The following APBB2 variants were observed in gnomAD, a reference collection of about 807,000 sequenced individuals.
The protein encoded by APBB2 is Fe65-like 1.
A neutral mutation model predicts 82.5 loss-of-function variants in APBB2; 38 were observed. That is an observed-to-expected ratio of 0.46 (90% CI 0.36 to 0.60). The LOEUF is 0.60. Among genes scored for constraint, APBB2 ranks in the 20% least tolerant of loss-of-function variants. The probability of loss-of-function intolerance (pLI) is 0.00; values close to 1 mark genes in which losing one functional copy is unlikely to be tolerated. For synonymous variants in APBB2, 341 were observed against 368.2 expected, an observed-to-expected ratio of 0.93 and a Z score of 0.85; for missense variants, 772 against 972.3, an observed-to-expected ratio of 0.79 and a Z score of 2.74.
intron 1 of APBB2, among the ~76,000 whole-genome samples, chr4:41,194,512 G>A: frequency 6.6e-6 from 1 of 152,154 alleles, no homozygotes; most frequent in Non-Finnish European, 1.5e-5. Context: ...GCAAAACCCT[G>A]TCTCTACCAA....
intron 6 of APBB2, among the ~76,000 whole-genome samples, chr4:41,004,608 G>A (rs62412095): frequency 0.046 from 6,976 of 151,634 alleles, 343 homozygotes; most frequent in African/African-American, 0.13. Context: ...TGGGCAAGGC[G>A]GGTGGATCAT....
intron 6 of APBB2, among the ~76,000 whole-genome samples, chr4:40,946,827 G>C (rs1460479847): frequency 6.6e-6 from 1 of 152,238 alleles, no homozygotes; most frequent in Non-Finnish European, 1.5e-5. Context: ...GCCTGGCTCT[G>C]TGCAAGTGTC....
rs1459675628 is a variant in APBB2, at chr4:41,072,034, G to A, written c.-148-6361C>T. Reference sequence around the variant, plus strand: ...TGGGGAGTTACTACTAAAGCACAGGGTGCAATGAGAATCAAAAGGAAGAGA... The same window carrying A: ...TGGGGAGTTACTACTAAAGCACAGGATGCAATGAGAATCAAAAGGAAGAGA... On this transcript the variant is annotated intron_variant, in intron 3 of 17. Transcript: ENST00000508593. Among the ~76,000 whole-genome samples the A allele has an allele frequency of 3.3e-5, 5 of 152,128 alleles. No homozygotes were observed. The East Asian group carries it at 7.7e-4, about 23-fold the overall frequency.
chr4:41,141,144 C>T (rs1759014562), intron 2 of APBB2, among the ~76,000 whole-genome samples: 1 of 152,130 alleles, frequency 6.6e-6, no homozygotes, highest in Non-Finnish European at 1.5e-5. Context: ...GACTATGCCA[C>T]AGTCATTTTA....
intron 6 of APBB2, among the ~76,000 whole-genome samples, chr4:40,974,627 C>A (rs1167770340): frequency 2.0e-5 from 3 of 152,164 alleles, no homozygotes; most frequent in African/African-American, 7.2e-5. Flanking sequence ...CCTATACATC[C>A]AATTTCAGGC....
chr4:41,040,479 T>C (rs891429654), intron 4 of APBB2, among the ~76,000 whole-genome samples: 1 of 152,164 alleles, frequency 6.6e-6, no homozygotes, highest in Non-Finnish European at 1.5e-5. Flanking sequence ...ACTGATCACC[T>C]CCAGCAACCC....
rs1560570131 is a variant in APBB2, at chr4:40,810,066, G to A, written c.*6026C>T. On this transcript the variant is annotated 3_prime_UTR_variant, in exon 18 of 18. Transcript: ENST00000508593. ...AAAGTTTTATTTTTGCAATTCAGTTGTATAGAAATGTTACATAAATTCCTA... is the reference window on the plus strand; with the variant it reads ...AAAGTTTTATTTTTGCAATTCAGTTATATAGAAATGTTACATAAATTCCTA... The A allele has an allele frequency of 1.3e-5, 2 of 152,156 alleles. No homozygotes were observed. Among genetic ancestry groups the A allele is most frequent in the Non-Finnish European group, 2.9e-5 (2 of 68,040 alleles). The allele number at this position is 152,156 out of a possible 1,614,324, so 9.4% of individuals were successfully genotyped here.
intron 4 of APBB2, among the ~76,000 whole-genome samples, chr4:41,065,255 A>G (rs1731304570): frequency 6.6e-6 from 1 of 152,212 alleles, no homozygotes; most frequent in Non-Finnish European, 1.5e-5. Flanking sequence ...ACTGGACCCC[A>G]GCCTGGGCAA....
At chr4:41,167,865 G>A (rs770898599) in intron 1 of APBB2, among the ~76,000 whole-genome samples, 6 of 152,228 alleles carry the variant, frequency 3.9e-5, no homozygotes, top group Non-Finnish European at 7.3e-5. Context: ...GCCACAAGGA[G>A]GAGAGCTGCA....
At position 40,973,057 on chromosome 4, in the gene APBB2, T is replaced by A. The variant is rs556897442; in HGVS notation, c.836-27984A>T. On this transcript the variant is annotated intron_variant, in intron 6 of 17. Transcript: ENST00000508593. ...TTCTTTCCTTCCCATAAACATATAT[T>A]TGAATGACATATACATACCCCTTTT... Among the ~76,000 whole-genome samples the A allele has an allele frequency of 2.0e-5, 3 of 152,342 alleles. No individual in the cohort carries two copies. The East Asian group carries it at 5.8e-4, about 29-fold the overall frequency.
chr4:41,070,013 G>C (rs1402428176), intron 3 of APBB2, among the ~76,000 whole-genome samples: 1 of 152,168 alleles, frequency 6.6e-6, no homozygotes, highest in Admixed American at 6.5e-5. Flanking sequence ...CTTTACATCT[G>C]TCTGCCTTCT....
chr4:40,964,753 A>AAC lies in APBB2; in HGVS notation c.836-19682_836-19681dup, dbSNP rs61087697. Reference sequence around the variant, plus strand: ...CACGGGGGAAAATACCCATTGAATAAACACACACACACACACACACACAAC... The same window carrying AAC: ...CACGGGGGAAAATACCCATTGAATAAACACACACACACACACACACACACAAC... On this transcript the variant is annotated intron_variant, in intron 6 of 17. Coordinates refer to ENST00000508593, the MANE Select transcript of APBB2 (RefSeq NM_004307.2). Among the ~76,000 whole-genome samples, 103 of 139,762 alleles carry AAC rather than the reference A, an allele frequency of 7.4e-4. 1 individual carries two copies. The highest frequency in any genetic ancestry group is 2.5e-3 in the African/African-American group (94 of 37,774). The allele number at this position is 139,762 out of a possible 152,430, so 91.7% of individuals were successfully genotyped here.
At chr4:40,910,657 C>T (rs1553966108) in intron 10 of APBB2, among the ~76,000 whole-genome samples, 1 of 152,214 alleles carries the variant, frequency 6.6e-6, no homozygotes, top group Non-Finnish European at 1.5e-5. Flanking sequence ...TCTGTATACC[C>T]ACCACCCAAA....
intron 7 of APBB2, among the ~76,000 whole-genome samples, chr4:40,943,479 C>T (rs945206455): frequency 2.0e-5 from 3 of 152,254 alleles, no homozygotes; most frequent in African/African-American, 2.4e-5. Context: ...TGATCCTGGC[C>T]GGCTCAGCTT....
intron 5 of APBB2, among the ~76,000 whole-genome samples, chr4:41,017,176 C>T (rs62412119): frequency 1.3e-5 from 2 of 152,072 alleles, no homozygotes; most frequent in East Asian, 1.9e-4. Flanking sequence ...GGATTACAGG[C>T]GTGAACCACC....
intron 2 of APBB2, among the ~76,000 whole-genome samples, chr4:41,120,831 A>T (rs1220050111): frequency 2.0e-5 from 3 of 152,242 alleles, no homozygotes; most frequent in Non-Finnish European, 4.4e-5. Context: ...TGATTCTCAG[A>T]ACCTAAATCA....
intron 1 of APBB2, among the ~76,000 whole-genome samples, chr4:41,192,451 T>C (rs954727737): frequency 2.0e-5 from 3 of 152,188 alleles, no homozygotes; most frequent in Admixed American, 2.0e-4. Flanking sequence ...CAGAATATTA[T>C]TCTGCCTTAA....
At chr4:41,090,835 C>G (rs1000952385) in intron 3 of APBB2, among the ~76,000 whole-genome samples, 4 of 152,020 alleles carry the variant, frequency 2.6e-5, no homozygotes, top group Non-Finnish European at 5.9e-5. Flanking sequence ...AAATAAAGAC[C>G]ACAGTGGGGA....
chr4:40,914,589 G>A (rs1304537763), intron 10 of APBB2, among the ~76,000 whole-genome samples: 1 of 152,098 alleles, frequency 6.6e-6, no homozygotes, highest in East Asian at 1.9e-4. Flanking sequence ...CAGACAGACA[G>A]ATAGATAAAC....
Sources: gnomAD v4.1 joint callset for allele counts (sites outside exome capture counted in the v4.1 genomes callset) on GRCh38, gnomAD v4.1.1 for gene constraint, MANE v1.5 for transcripts, NCBI Gene and HGNC (gene_info 2026-07-23, HGNC 2026-07-21) for gene names.